TMEM178B: variants seen among roughly 807,000 people sequenced by gnomAD.
TMEM178B encodes transmembrane protein 178B.
In TMEM178B, 5 loss-of-function variants were observed where a neutral mutation model predicts 31.0. The observed-to-expected ratio is 0.16, with a 90% CI of 0.08 to 0.34. The LOEUF (loss-of-function observed/expected upper bound fraction) is 0.34. Ranked by LOEUF, TMEM178B falls within the 10% of genes least tolerant of loss-of-function variation. The probability of loss-of-function intolerance (pLI) is 1.00; values close to 1 mark genes in which losing one functional copy is unlikely to be tolerated. For synonymous variants in TMEM178B, 164 were observed against 164.0 expected (o/e 1.00, Z 0.00); for missense variants, 275 against 400.3 (o/e 0.69, Z 2.67).
chr7:141,075,359 C>A (rs988224893), intron 1 of TMEM178B, among the ~76,000 whole-genome samples: 1 of 152,034 alleles, frequency 6.6e-6, no homozygotes, highest in Non-Finnish European at 1.5e-5. Flanking sequence ...AAAAATAGTT[C>A]TTTCAGTAAC....
At chr7:141,131,886 A>G (rs1048554161) in intron 1 of TMEM178B, among the ~76,000 whole-genome samples, 13 of 152,172 alleles carry the variant, frequency 8.5e-5, no homozygotes, top group Non-Finnish European at 1.2e-4. Context: ...AAGTGGTTGA[A>G]CTATTTTATA....
In TMEM178B at chr7:141,230,863, C is replaced by T. The variant is rs1367759032; in HGVS notation, c.496+18159C>T. ...GCTCAGAGGTTCTCTCATAGGACAG[C>T]AGAGGCTGAACCTTGAAGGCAGGTC... is the stretch of plus-strand genomic sequence containing the variant. On this transcript the variant is annotated intron_variant, in intron 2 of 3. Coordinates refer to ENST00000565468, the MANE Select transcript of TMEM178B (RefSeq NM_001195278.2). Among the ~76,000 whole-genome samples the T allele has an allele frequency of 5.9e-5, 9 of 152,114 alleles. 1 individual carries two copies. Among genetic ancestry groups the T allele is most frequent in the Non-Finnish European group, 1.3e-4 (9 of 68,022 alleles).
At chr7:141,095,829 A>G (rs771246307) in intron 1 of TMEM178B, among the ~76,000 whole-genome samples, 61 of 152,198 alleles carry the variant, frequency 4.0e-4, no homozygotes, top group African/African-American at 1.4e-3. Flanking sequence ...TGCCTTTTCC[A>G]GTGATCTTTC....
chr7:141,448,405 G>C (rs922632124), intron 3 of TMEM178B, among the ~76,000 whole-genome samples: 2 of 152,156 alleles, frequency 1.3e-5, no homozygotes, highest in African/African-American at 4.8e-5. Context: ...TCCTGGACTG[G>C]TGGCAACAGC....
At chr7:141,386,760 A>G (rs1454083809) in intron 2 of TMEM178B, among the ~76,000 whole-genome samples, 4 of 152,102 alleles carry the variant, frequency 2.6e-5, no homozygotes, top group Non-Finnish European at 5.9e-5. Context: ...CGCAGTGGAG[A>G]TCAACTCTGG....
chr7:141,128,352 T>C (rs1277458530), intron 1 of TMEM178B, among the ~76,000 whole-genome samples: 2 of 152,136 alleles, frequency 1.3e-5, no homozygotes, highest in African/African-American at 2.4e-5. Context: ...TCTCCAAAAG[T>C]TGAATATTTC....
intron 1 of TMEM178B, among the ~76,000 whole-genome samples, chr7:141,117,695 A>T (rs1795341696): frequency 6.6e-6 from 1 of 152,194 alleles, no homozygotes; most frequent in Non-Finnish European, 1.5e-5. Context: ...TATAAGGTGT[A>T]AGGAAGGGGT....
In TMEM178B at chr7:141,162,274, T is replaced by C. The variant is rs552900948; in HGVS notation, c.383-50317T>C. On this transcript the variant is annotated intron_variant, in intron 1 of 3. Coordinates refer to ENST00000565468, the MANE Select transcript of TMEM178B (RefSeq NM_001195278.2). ...CTCTCCAGCCACTTGCCTCTCACCT[T>C]GTTCCGCTCATGTTTTACATCCCTC... Among the ~76,000 whole-genome samples, 12 of 152,364 alleles carry C rather than the reference T, an allele frequency of 7.9e-5. No homozygotes were observed. The South Asian group carries it at 2.5e-3, about 32-fold the overall frequency.
At chr7:141,244,267 G>T (rs1025834043) in intron 2 of TMEM178B, among the ~76,000 whole-genome samples, 1 of 152,166 alleles carries the variant, frequency 6.6e-6, no homozygotes, top group African/African-American at 2.4e-5. Context: ...CGTAACTCAC[G>T]AAACAGGTAA....
At chr7:141,278,493 G>A (rs536922568) in intron 2 of TMEM178B, among the ~76,000 whole-genome samples, 1 of 152,274 alleles carries the variant, frequency 6.6e-6, no homozygotes, top group Non-Finnish European at 1.5e-5. Flanking sequence ...TGAGGCAGGA[G>A]AATTGCTTGA....
chr7:141,498,073 T>TTTG, the TMEM178B span, among the ~76,000 whole-genome samples: 5 of 152,332 alleles, frequency 3.3e-5, no homozygotes, highest in African/African-American at 1.2e-4. Flanking sequence ...TACCTCACCC[T>TTTG]GCAATAAGTC....
At chr7:141,342,418 A>C (rs1046129973) in intron 2 of TMEM178B, among the ~76,000 whole-genome samples, 1 of 152,198 alleles carries the variant, frequency 6.6e-6, no homozygotes, top group Non-Finnish European at 1.5e-5. Flanking sequence ...ATATTCAAAA[A>C]AATTCGTTTT....
intron 1 of TMEM178B, among the ~76,000 whole-genome samples, chr7:141,206,556 C>A (rs1314811940): frequency 6.6e-6 from 1 of 152,080 alleles, no homozygotes; most frequent in Non-Finnish European, 1.5e-5. Context: ...GTGTTTCTTC[C>A]CTGCCACCTC....
At chr7:141,298,980 T>C (rs1798680456) in intron 2 of TMEM178B, among the ~76,000 whole-genome samples, 1 of 152,026 alleles carries the variant, frequency 6.6e-6, no homozygotes, top group Non-Finnish European at 1.5e-5. Context: ...GGTAGGAACA[T>C]GTGGGATTTT....
chr7:141,379,922 C>T lies in TMEM178B; in HGVS notation c.497-57686C>T, dbSNP rs116270085. The stretch of plus-strand genomic sequence containing the variant: ...TGTCTCAAGTATATTACAATTCTAC[C>T]AGAAAATCCTTTTACCTTTAGAGGC... On this transcript the variant is annotated intron_variant, in intron 2 of 3. Coordinates refer to ENST00000565468, the MANE Select transcript of TMEM178B (RefSeq NM_001195278.2). Among the ~76,000 whole-genome samples, 634 of 152,214 alleles carry T rather than the reference C, an allele frequency of 4.2e-3. 5 individuals are homozygous for T. Among genetic ancestry groups the T allele is most frequent in the African/African-American group, 0.014 (600 of 41,516 alleles).
At chr7:141,288,766 A>C (rs1028090249) in intron 2 of TMEM178B, among the ~76,000 whole-genome samples, 1 of 152,172 alleles carries the variant, frequency 6.6e-6, no homozygotes, top group African/African-American at 2.4e-5. Flanking sequence ...TACAGTAAAG[A>C]GTGACGTTCC....
chr7:141,126,460 C>T (rs779731095), intron 1 of TMEM178B, among the ~76,000 whole-genome samples: 3 of 152,188 alleles, frequency 2.0e-5, no homozygotes, highest in Non-Finnish European at 2.9e-5. Flanking sequence ...TGCAGTTTTA[C>T]GTGGAAGGCT....
chr7:141,208,317 T>G (rs1796999022), intron 1 of TMEM178B, among the ~76,000 whole-genome samples: 1 of 152,174 alleles, frequency 6.6e-6, no homozygotes, highest in Admixed American at 6.5e-5. Flanking sequence ...GCAGAGACTC[T>G]GGGCTGGGAT....
At chr7:141,257,072 G>C (rs1027202876) in intron 2 of TMEM178B, among the ~76,000 whole-genome samples, 4 of 152,160 alleles carry the variant, frequency 2.6e-5, no homozygotes, top group South Asian at 2.1e-4. Flanking sequence ...TCCCAACATA[G>C]AGTCATGGAA....
Sources: gnomAD v4.1 joint callset for allele counts (sites outside exome capture counted in the v4.1 genomes callset) on GRCh38, gnomAD v4.1.1 for gene constraint, MANE v1.5 for transcripts, NCBI Gene and HGNC (gene_info 2026-07-23, HGNC 2026-07-21) for gene names.